Variants in SPAG17 observed in about 807,000 individuals in gnomAD.
SPAG17 encodes sperm-associated antigen 17.
Under a neutral mutation model 273.6 loss-of-function variants are expected in SPAG17, and 169 were observed. The ratio of observed to expected loss-of-function variants is 0.62; its 90% CI spans 0.55 to 0.70. The LOEUF (loss-of-function observed/expected upper bound fraction) is 0.70. Ranked by LOEUF, SPAG17 falls within the 30% of genes least tolerant of loss-of-function variation. The pLI is 0.00. For synonymous variants in SPAG17, 825 were observed against 873.2 expected, an observed-to-expected ratio of 0.94 and a Z score of 0.97; for missense variants, 2,557 against 2,627.8, an observed-to-expected ratio of 0.97 and a Z score of 0.59.
At chr1:118,145,571 T>C (rs896771257) in intron 3 of SPAG17, among the ~76,000 whole-genome samples, 46 of 152,280 alleles carry the variant, frequency 3.0e-4, no homozygotes, top group African/African-American at 1.1e-3. Context: ...TATTTTTAAA[T>C]CTAATATCAG....
In SPAG17 at chr1:118,101,857, G is replaced by C. The variant is rs758273836; in HGVS notation, c.517C>G (p.Pro173Ala). The change falls in exon 5 of 49, where the codon CCA (proline) becomes GCA (alanine). Residue 173 changes from proline to alanine, a missense_variant. Coordinates refer to ENST00000336338, the MANE Select transcript of SPAG17 (RefSeq NM_206996.4). ...TTTCCTTTGGCAGGCTTGGCACTTG[G>C]AGCCTTTTTCTCCTTGGGAGATTTT... ...KAKSPKEKKAPSAKPAKGKGK... is the reference protein window; with the variant it reads ...KAKSPKEKKAASAKPAKGKGK... 5.0e-6 allele frequency: 8 copies of C among 1,613,832 alleles called. No homozygotes were observed. Among genetic ancestry groups the C allele is most frequent in the Non-Finnish European group, 5.1e-6 (6 of 1,179,958 alleles).
intron 17 of SPAG17, among the ~76,000 whole-genome samples, chr1:118,072,127 T>C (rs2102093353): frequency 6.6e-6 from 1 of 152,352 alleles, no homozygotes; most frequent in Non-Finnish European, 1.5e-5. Flanking sequence ...TTTATTTTTC[T>C]AAGGACAATC....
At chr1:117,967,946 G>A (rs1654061951) in intron 46 of SPAG17, among the ~76,000 whole-genome samples, 1 of 152,198 alleles carries the variant, frequency 6.6e-6, no homozygotes, top group Admixed American at 6.5e-5. Flanking sequence ...TAGTAGAATT[G>A]GAAAATGTTT....
intron 1 of SPAG17, among the ~76,000 whole-genome samples, chr1:118,161,562 T>G (rs1294349810): frequency 4.6e-5 from 7 of 152,072 alleles, no homozygotes; most frequent in Non-Finnish European, 8.8e-5. Context: ...TTTTTAGACG[T>G]AGTCTCGCTC....
chr1:118,114,996 C>G (rs566937406), intron 4 of SPAG17, among the ~76,000 whole-genome samples: 1 of 152,122 alleles, frequency 6.6e-6, no homozygotes, highest in Non-Finnish European at 1.5e-5. Context: ...TTAGTTTTCC[C>G]GACTCCCTGT....
chr1:118,028,181 TG>T, intron 26 of SPAG17, 92 bp downstream of exon 26: 1 of 1,397,388 alleles, frequency 7.2e-7, no homozygotes, highest in Non-Finnish European at 9.8e-7. Context: ...ATCAACAAGA[TG>T]TATGTTTAAC....
chr1:118,170,772 C>T (rs938461133), intron 1 of SPAG17, among the ~76,000 whole-genome samples: 1 of 152,112 alleles, frequency 6.6e-6, no homozygotes, highest in African/African-American at 2.4e-5. Flanking sequence ...GGAACTTTCT[C>T]CAGGAGCTCA....
intron 1 of SPAG17, among the ~76,000 whole-genome samples, chr1:118,160,741 C>T (rs1659870713): frequency 6.6e-6 from 1 of 152,216 alleles, no homozygotes. Flanking sequence ...AATTACATAT[C>T]TCATAATATC....
chr1:118,108,299 C>G (rs1466696939), intron 4 of SPAG17, among the ~76,000 whole-genome samples: 1 of 152,132 alleles, frequency 6.6e-6, no homozygotes, highest in East Asian at 1.9e-4. Context: ...GTGAAATATC[C>G]TTTTGTACCA....
intron 4 of SPAG17, among the ~76,000 whole-genome samples, chr1:118,105,548 C>A (rs1470225695): frequency 6.6e-6 from 1 of 152,084 alleles, no homozygotes; most frequent in Non-Finnish European, 1.5e-5. Context: ...CTGATTGGAT[C>A]ATGGAACCTA....
chr1:118,125,477 T>A (rs1657665924), intron 3 of SPAG17, among the ~76,000 whole-genome samples: 1 of 152,196 alleles, frequency 6.6e-6, no homozygotes, highest in South Asian at 2.1e-4. Context: ...AATTTATTCC[T>A]CCTATCTAGT....
At chr1:118,093,570 T>C (rs529772104) in intron 7 of SPAG17, among the ~76,000 whole-genome samples, 4 of 152,218 alleles carry the variant, frequency 2.6e-5, no homozygotes, top group Non-Finnish European at 5.9e-5. Flanking sequence ...TTTAAGAGCC[T>C]AATTAATGCT....
At position 118,066,829 on chromosome 1, in the gene SPAG17, A is replaced by G; in HGVS notation, c.2456T>C (p.Leu819Pro). ...SYYHTQDNSL[L>P]LVFHNPMNRQ... ...ATTCATTGGATTGTGAAAGACTAAA[A>G]GTAAAGAGTTGTCTTGGGTGTGGTA... Residue 819 changes from leucine to proline, a missense_variant, in exon 18 of 49, where the codon CTT (leucine) becomes CCT (proline). By Grantham distance (98) the Leu-to-Pro change is moderately conservative (BLOSUM62 -3). Transcript: ENST00000336338. The G allele has an allele frequency of 6.2e-7, 1 of 1,613,902 alleles. No individual in the cohort carries two copies. The highest frequency in any genetic ancestry group is 8.5e-7 in the Non-Finnish European group (1 of 1,179,830).
intron 1 of SPAG17, among the ~76,000 whole-genome samples, chr1:118,172,544 C>T (rs1247984981): frequency 2.6e-5 from 4 of 152,060 alleles, no homozygotes; most frequent in Admixed American, 6.6e-5. Context: ...AAAAAAAATA[C>T]CAGCTTCAGA....
In SPAG17 at chr1:118,029,527, T is replaced by C. The variant is rs1421563419; in HGVS notation, c.3610-1133A>G. Among the ~76,000 whole-genome samples, 68 of 152,214 alleles carry C rather than the reference T, an allele frequency of 4.5e-4. 2 individuals carry two copies. The highest frequency in any genetic ancestry group is 2.9e-4 in the Non-Finnish European group (20 of 68,026). On this transcript the variant is annotated intron_variant, in intron 25 of 48. Transcript: ENST00000336338. ...TTTGTTTTCTATAATGAGCACATACTGCTTTTGTAGCAAATGAAAGTAATA... is the reference window on the plus strand; with the variant it reads ...TTTGTTTTCTATAATGAGCACATACCGCTTTTGTAGCAAATGAAAGTAATA...
At chr1:117,963,646 G>C in intron 48 of SPAG17, 153 bp downstream of exon 48, 2 of 619,160 alleles carry the variant, frequency 3.2e-6, no homozygotes. Context: ...TTACAGGTGT[G>C]AGCCACCGGG....
intron 31 of SPAG17, among the ~76,000 whole-genome samples, chr1:118,006,361 T>G (rs1035984492): frequency 1.3e-5 from 2 of 152,268 alleles, no homozygotes; most frequent in Non-Finnish European, 2.9e-5. Context: ...TGTGGCCTTT[T>G]GTGTCTGGCT....
At chr1:118,112,607 T>A (rs1656843683) in intron 4 of SPAG17, among the ~76,000 whole-genome samples, 1 of 152,134 alleles carries the variant, frequency 6.6e-6, no homozygotes, top group Non-Finnish European at 1.5e-5. Flanking sequence ...ATACAGTGCA[T>A]TTTCTTCATG....
At chr1:118,087,916 G>C (rs149595154) in intron 10 of SPAG17, among the ~76,000 whole-genome samples, 84 of 152,320 alleles carry the variant, frequency 5.5e-4, no homozygotes, top group African/African-American at 1.9e-3. Context: ...TTTTATGCAA[G>C]TAGCACCCTT....
Sources: allele counts gnomAD v4.1 joint callset (sites outside exome capture counted in the v4.1 genomes callset), GRCh38; gene constraint gnomAD v4.1.1; transcripts MANE v1.5; gene names NCBI Gene and HGNC (gene_info 2026-07-23, HGNC 2026-07-21).